The following METAP2 variants were observed in gnomAD, a reference collection of about 807,000 sequenced individuals.
METAP2 encodes methionine aminopeptidase 2.
Under a neutral mutation model 59.4 loss-of-function variants are expected in METAP2, and 25 were observed. The observed-to-expected ratio is 0.42, with a 90% CI of 0.31 to 0.59. METAP2 has a LOEUF of 0.59. Ranked by LOEUF, METAP2 falls within the 20% of genes least tolerant of loss-of-function variation. The probability of loss-of-function intolerance (pLI) is 0.16; values close to 1 mark genes in which losing one functional copy is unlikely to be tolerated. For synonymous variants in METAP2, 214 were observed against 194.1 expected (o/e 1.10, Z -0.85); for missense variants, 366 against 581.2 (o/e 0.63, Z 3.81).
intron 2 of METAP2, among the ~76,000 whole-genome samples, chr12:95,481,382 G>C (rs755663558): frequency 6.6e-6 from 1 of 152,192 alleles, no homozygotes; most frequent in Non-Finnish European, 1.5e-5. Context: ...CTGCACTCCA[G>C]CTTGGGCAAC....
In METAP2 at chr12:95,511,402, T is replaced by TG. The variant is rs2076401584; in HGVS notation, c.965-493_965-492insG. 4.2e-5 allele frequency among the ~76,000 whole-genome samples: 6 copies of TG among 141,850 alleles called. No individual in the cohort carries two copies. The Admixed American group carries it at 4.3e-4, about 10-fold the overall frequency. 93.1% of individuals were successfully genotyped at this position (141,850 alleles called of 152,430 possible). A position where few individuals can be genotyped will look rare whatever the true frequency, so the allele number is the denominator to read the frequency against. On this transcript the variant is annotated intron_variant, in intron 8 of 10. Coordinates refer to ENST00000323666, the MANE Select transcript of METAP2 (RefSeq NM_006838.4). ...CCTTCTAGCACCGTTTTTTTTTTTT[T>TG]TTTTTTTTTTTGAGACGGAGTTGCT...
chr12:95,515,119 T>A lies in METAP2; in HGVS notation c.*1215T>A, dbSNP rs1313851545. ...AAGGTAGCCTTAATTTGTATATGTT[T>A]CAGTACAATGAGATTTTATTGCCTC... On this transcript the variant is annotated 3_prime_UTR_variant, in exon 11 of 11. Transcript: ENST00000323666. 6.6e-6 allele frequency: 1 copy of A among 152,658 alleles called. No individual in the cohort carries two copies. The highest frequency in any genetic ancestry group is 2.4e-5 in the African/African-American group (1 of 41,464). The allele number at this position is 152,658 out of a possible 1,614,324, so 9.5% of individuals were successfully genotyped here.
chr12:95,503,513 G>T (rs1053155895), intron 7 of METAP2, among the ~76,000 whole-genome samples: 2 of 152,144 alleles, frequency 1.3e-5, no homozygotes, highest in Non-Finnish European at 2.9e-5. Flanking sequence ...GGGTGTGTAA[G>T]CGCTGAGGTG....
intron 8 of METAP2, among the ~76,000 whole-genome samples, chr12:95,511,641 C>T (rs1243456848): frequency 1.3e-5 from 2 of 152,150 alleles, no homozygotes; most frequent in African/African-American, 4.8e-5. Flanking sequence ...ATCCGCTTGC[C>T]TCGGCCTCCC....
At chr12:95,508,501 A>G (rs1217559127) in intron 8 of METAP2, among the ~76,000 whole-genome samples, 4 of 152,180 alleles carry the variant, frequency 2.6e-5, no homozygotes, top group South Asian at 4.1e-4. Flanking sequence ...AACAGAATCT[A>G]TTTCCAAATT....
Position 95,515,335 on chromosome 12 carries a change from G to C in METAP2, c.*1431G>C, listed in dbSNP as rs1471106909. 6.6e-6 allele frequency: 1 copy of C among 152,284 alleles called. No homozygotes were observed. Among genetic ancestry groups the C allele is most frequent in the African/African-American group, 2.4e-5 (1 of 41,454 alleles). The allele number at this position is 152,284 out of a possible 1,614,324, so 9.4% of individuals were successfully genotyped here. ...GAGCTATGTTTATTATGGTGCTAAT[G>C]TTCAGTAGCCACATTTGACTAATGT... is the stretch of plus-strand genomic sequence containing the variant. On this transcript the variant is annotated 3_prime_UTR_variant, in exon 11 of 11. Transcript: ENST00000323666.
intron 8 of METAP2, among the ~76,000 whole-genome samples, chr12:95,509,672 A>G (rs1379061377): frequency 1.3e-5 from 2 of 152,106 alleles, no homozygotes; most frequent in Non-Finnish European, 2.9e-5. Flanking sequence ...TGACACATTT[A>G]TATAAGAAGG....
rs2076424545 is a variant in METAP2, at chr12:95,513,922, C to G, written c.*18C>G. 6.3e-7 allele frequency: 1 copy of G among 1,588,418 alleles called. No individual in the cohort carries two copies. Among genetic ancestry groups the G allele is most frequent in the Non-Finnish European group, 8.6e-7 (1 of 1,167,690 alleles). On this transcript the variant is annotated 3_prime_UTR_variant, in exon 11 of 11. Transcript: ENST00000323666. ...ACTATTAAACTTAGTCCAAAGCCAC[C>G]TCAACACCTTTATTTTCTGAGCTTT...
At chr12:95,475,708 A>G (rs994040373) in intron 1 of METAP2, among the ~76,000 whole-genome samples, 6 of 152,164 alleles carry the variant, frequency 3.9e-5, no homozygotes, top group African/African-American at 1.4e-4. Flanking sequence ...GGTGTTGCAC[A>G]TGAATCTTTT....
At chr12:95,496,322 T>A (rs1229430453) in intron 7 of METAP2, among the ~76,000 whole-genome samples, 1 of 152,208 alleles carries the variant, frequency 6.6e-6, no homozygotes, top group Non-Finnish European at 1.5e-5. Context: ...TGAACTTTGC[T>A]AAAATTTATT....
chr12:95,492,425 T>C (rs1204386611), intron 4 of METAP2, among the ~76,000 whole-genome samples: 2 of 152,168 alleles, frequency 1.3e-5, no homozygotes, highest in Non-Finnish European at 2.9e-5. Flanking sequence ...ATAAGGAGTT[T>C]TGGGGGAGTC....
At chr12:95,476,922 C>G (rs898310728) in intron 2 of METAP2, among the ~76,000 whole-genome samples, 1 of 152,120 alleles carries the variant, frequency 6.6e-6, no homozygotes, top group Non-Finnish European at 1.5e-5. Flanking sequence ...TGGTAATGGA[C>G]TGTCTTTTCC....
Position 95,500,195 on chromosome 12 carries a change from T to G in METAP2, c.868-3870T>G, listed in dbSNP as rs2076305197. ...TGTTAATGGAATTGTTTTTGTAATT[T>G]CCTTTTCAGATTGTTCATTGTTAGT... On this transcript the variant is annotated intron_variant, in intron 7 of 10. Transcript: ENST00000323666. Among the ~76,000 whole-genome samples, 5 of 152,312 alleles carry G rather than the reference T, an allele frequency of 3.3e-5. No individual in the cohort carries two copies. The South Asian group carries it at 8.3e-4, about 25-fold the overall frequency.
chr12:95,475,633 C>CCTATTTATTT (rs2076112643), intron 1 of METAP2, among the ~76,000 whole-genome samples: 1 of 152,114 alleles, frequency 6.6e-6, no homozygotes, highest in Non-Finnish European at 1.5e-5. Context: ...ACTGTCTTTG[C>CCTATTTATTT]CTATTTATTT....
intron 8 of METAP2, among the ~76,000 whole-genome samples, chr12:95,506,998 G>C (rs1015866520): frequency 1.3e-5 from 2 of 151,822 alleles, no homozygotes; most frequent in Non-Finnish European, 2.9e-5. Flanking sequence ...ATGTTGGCCA[G>C]ATCAGGCGAT....
chr12:95,505,474 A>G (rs1353580771), intron 8 of METAP2, among the ~76,000 whole-genome samples: 1 of 150,266 alleles, frequency 6.7e-6, no homozygotes, highest in Non-Finnish European at 1.5e-5. Context: ...ACAGGTGCCC[A>G]CCACCACGCC....
chr12:95,501,553 A>G (rs1366092054), intron 7 of METAP2, among the ~76,000 whole-genome samples: 1 of 152,052 alleles, frequency 6.6e-6, no homozygotes, highest in Admixed American at 6.5e-5. Context: ...CGTCTCTACT[A>G]AAAGTACAAA....
chr12:95,475,219 A>G (rs1037905493), intron 1 of METAP2, among the ~76,000 whole-genome samples: 1 of 152,238 alleles, frequency 6.6e-6, no homozygotes, highest in Admixed American at 6.5e-5. Context: ...CAGAAAATGG[A>G]GAAGTCAGAA....
chr12:95,501,846 T>TA (rs924814123), intron 7 of METAP2, among the ~76,000 whole-genome samples: 3 of 151,928 alleles, frequency 2.0e-5, no homozygotes, highest in African/African-American at 7.2e-5. Flanking sequence ...ATTGAGATTT[T>TA]AAAAAAATTC....
Sources: gnomAD v4.1 joint callset for allele counts (sites outside exome capture counted in the v4.1 genomes callset) on GRCh38, gnomAD v4.1.1 for gene constraint, MANE v1.5 for transcripts, NCBI Gene and HGNC (gene_info 2026-07-23, HGNC 2026-07-21) for gene names.